The following PCDHGB1 variants were observed in gnomAD, a reference collection of about 807,000 sequenced individuals.
The protein encoded by PCDHGB1 is protocadherin gamma subfamily B, 1, also known as protocadherin gamma-B1.
A neutral mutation model predicts 56.6 loss-of-function variants in PCDHGB1; 34 were observed. That is an observed-to-expected ratio of 0.60 (90% CI 0.46 to 0.80). The LOEUF (loss-of-function observed/expected upper bound fraction) is 0.80, where lower values mean the gene tolerates loss of function less well. Ranked by LOEUF, PCDHGB1 falls within the 30% of genes least tolerant of loss-of-function variation. The pLI is 0.00. For missense variants in PCDHGB1, 1,278 were observed against 1,204.6 expected (o/e 1.06, Z -0.90); for synonymous variants, 561 against 505.9 (o/e 1.11, Z -1.46).
chr5:141,384,717 C>T (rs575459465), intron 1 of PCDHGB1: 3 of 1,614,166 alleles, frequency 1.9e-6, no homozygotes, highest in African/African-American at 2.7e-5. Flanking sequence ...GGCTGTCATA[C>T]CTCCTGCTTA....
At chr5:141,371,133 T>A in intron 1 of PCDHGB1, 2 of 1,614,000 alleles carry the variant, frequency 1.2e-6, no homozygotes, top group Non-Finnish European at 1.7e-6. Context: ...TCAGGACATG[T>A]ACAGGGTCAA....
intron 2 of PCDHGB1, among the ~76,000 whole-genome samples, chr5:141,497,980 G>A (rs983045402): frequency 2.0e-5 from 3 of 152,168 alleles, no homozygotes; most frequent in African/African-American, 7.2e-5. Context: ...GATGTGGGAG[G>A]CCCCTGCCCT....
rs934044974 is a variant in PCDHGB1, at chr5:141,476,034, C to T, written c.2410-18773C>T. 3 of 1,464,488 alleles carry T rather than the reference C, an allele frequency of 2.0e-6. No individual in the cohort carries two copies. The highest frequency in any genetic ancestry group is 2.3e-5 in the Admixed American group (1 of 44,364). The allele number at this position is 1,464,488 out of a possible 1,614,324, so 90.7% of individuals were successfully genotyped here. A position where few individuals can be genotyped will look rare whatever the true frequency, so the allele number is the denominator to read the frequency against. On this transcript the variant is annotated intron_variant, in intron 1 of 3. Transcript: ENST00000523390. The surrounding 1 kb of genome is among the most constrained non-coding windows in gnomAD (Gnocchi z 7.6). ...CCATGTCGGACTCGGCGCCCAGCGC[C>T]CAAGCGCTAACCCGCTGAAAGTTTC...
Position 141,478,507 on chromosome 5 carries a change from T to C in PCDHGB1, c.2410-16300T>C, listed in dbSNP as rs781120326. The C allele has an allele frequency of 4.3e-6, 7 of 1,612,048 alleles. No homozygotes were observed. In the East Asian group the frequency reaches 1.3e-4, roughly 31 times the overall value. On this transcript the variant is annotated intron_variant, in intron 1 of 3. Transcript: ENST00000523390. The stretch of plus-strand genomic sequence containing the variant: ...TGCGGAGCTGTGATCCGGTGTTCTA[T>C]AGGCAGGTGTTGGGTGCAGAGAGCG...
intron 1 of PCDHGB1, chr5:141,372,225 G>A (rs1326941167): frequency 6.8e-6 from 11 of 1,613,368 alleles, no homozygotes; most frequent in Non-Finnish European, 9.3e-6. Context: ...CATTGTGCAG[G>A]CCAGCGAGCC....
At chr5:141,381,798 CTCTT>C (rs372235829) in intron 1 of PCDHGB1, among the ~76,000 whole-genome samples, 40 of 144,168 alleles carry the variant, frequency 2.8e-4, no homozygotes, top group Non-Finnish European at 4.5e-4. Context: ...AGGCAATTCC[CTCTT>C]TCTTTCTTTC....
At chr5:141,375,038 G>T in intron 1 of PCDHGB1, 1 of 1,614,038 alleles carries the variant, frequency 6.2e-7, no homozygotes, top group Non-Finnish European at 8.5e-7. Context: ...TGAGCTGGGT[G>T]TTGAAGCCCG....
rs747917835 is a variant in PCDHGB1 at position 141,487,659 on chromosome 5, AT to A, written c.2410-7147del. 3.7e-6 allele frequency: 6 copies of A among 1,613,466 alleles called. No homozygotes were observed. Among genetic ancestry groups the A allele is most frequent in the Non-Finnish European group, 5.1e-6 (6 of 1,179,716 alleles). On this transcript the variant is annotated intron_variant, in intron 1 of 3. Coordinates refer to ENST00000523390, the MANE Select transcript of PCDHGB1 (RefSeq NM_018922.3). This position sits in a 1 kb window ranked among gnomAD's most constrained non-coding sequence, Gnocchi z 5.0. ...CAACAAATGCTTGAGGGTTATTCTGATCCAGGCATATGGCTAGGCCATGTCC... is the reference window on the plus strand; with the variant it reads ...CAACAAATGCTTGAGGGTTATTCTGACCAGGCATATGGCTAGGCCATGTCC...
Position 141,352,307 on chromosome 5 carries a change from G to C in PCDHGB1, c.2047G>C (p.Glu683Gln). ...CCCTGAGCCCTCTGACCCCCAGACG[G>C]AACTGCAGTTTTACCTGGTTGTGGC... is the stretch of plus-strand genomic sequence containing the variant. ...DRPEPSDPQTELQFYLVVALA... is the reference protein window; with the variant it reads ...DRPEPSDPQTQLQFYLVVALA... The change falls in exon 1 of 4, where the codon GAA becomes CAA. Residue 683 changes from glutamate to glutamine, a missense_variant. Physicochemically the swap from Glu to Gln is conservative, Grantham distance 29. Transcript: ENST00000523390. 6.2e-7 allele frequency: 1 copy of C among 1,614,058 alleles called. No homozygotes were observed. The highest frequency in any genetic ancestry group is 1.3e-5 in the African/African-American group (1 of 75,074).
chr5:141,350,302 ACT>A lies in PCDHGB1; in HGVS notation c.43_44del (p.Leu15ValfsTer52). 1 of 1,520,774 alleles carries A rather than the reference ACT, an allele frequency of 6.6e-7. No homozygotes were observed. Among genetic ancestry groups the A allele is most frequent in the Non-Finnish European group, 8.8e-7 (1 of 1,136,446 alleles). 94.2% of individuals were successfully genotyped at this position (1,520,774 alleles called of 1,614,324 possible). ...REAEMMKSQV[L>X]FPFLLSLFCG... ...AAGCCGAAATGATGAAAAGTCAGGT[ACT>A]GTTTCCCTTCCTGCTGTCTTTGTTC... On this transcript the variant is annotated frameshift_variant, in exon 1 of 4. Coordinates refer to ENST00000523390, the MANE Select transcript of PCDHGB1 (RefSeq NM_018922.3). LOFTEE classifies it high-confidence loss of function.
chr5:141,362,073 G>A (rs1762314491), intron 1 of PCDHGB1: 2 of 1,612,872 alleles, frequency 1.2e-6, no homozygotes, highest in Non-Finnish European at 8.5e-7. Context: ...TGGTCGCTGT[G>A]CGTGATGGAG....
At chr5:141,458,438 C>T (rs2098945825) in intron 1 of PCDHGB1, among the ~76,000 whole-genome samples, 1 of 152,024 alleles carries the variant, frequency 6.6e-6, no homozygotes, top group Non-Finnish European at 1.5e-5. Flanking sequence ...GAGGAGGTCC[C>T]CCACATTAAC....
intron 2 of PCDHGB1, among the ~76,000 whole-genome samples, chr5:141,503,598 C>CAAAAAAA (rs765754054): frequency 1.5e-5 from 1 of 65,730 alleles, no homozygotes; most frequent in Non-Finnish European, 3.4e-5. Flanking sequence ...GACTCCAGCT[C>CAAAAAAA]AAAAAAAAAA....
Position 141,351,411 on chromosome 5 carries a change from A to G in PCDHGB1, c.1151A>G (p.Glu384Gly), listed in dbSNP as rs1285099995. ...GGCATGGTGACATGCTATACTCAGG[A>G]AGAAGTTCCTTTCAAATTAGAATCC... ...QNGMVTCYTQ[E>G]EVPFKLESTS... Residue 384 changes from glutamate to glycine, a missense_variant, in exon 1 of 4, where the codon GAA (glutamate) becomes GGA (glycine). Transcript: ENST00000523390. 1 of 1,611,444 alleles carries G rather than the reference A, an allele frequency of 6.2e-7. No homozygotes were observed. The highest frequency in any genetic ancestry group is 8.5e-7 in the Non-Finnish European group (1 of 1,178,676).
rs764156663 is a variant in PCDHGB1 at position 141,382,871 on chromosome 5, G to A, written c.2409+30202G>A. 2.6e-6 allele frequency: 4 copies of A among 1,520,506 alleles called. No individual in the cohort carries two copies. The South Asian group carries it at 4.0e-5, about 15-fold the overall frequency. 94.2% of individuals were successfully genotyped at this position (1,520,506 alleles called of 1,614,324 possible). On this transcript the variant is annotated intron_variant, in intron 1 of 3. Coordinates refer to ENST00000523390, the MANE Select transcript of PCDHGB1 (RefSeq NM_018922.3). ...GCATTCTGAAGCACTTCCCGAGATC[G>A]GCGCCTAAGCAAGAGAAGCAGGACG... is the stretch of plus-strand genomic sequence containing the variant.
In PCDHGB1 at chr5:141,490,692, G is replaced by C. The variant is rs751109998; in HGVS notation, c.2410-4115G>C. 16 of 1,614,154 alleles carry C rather than the reference G, an allele frequency of 9.9e-6. 1 individual carries two copies. The Middle Eastern group carries it at 6.6e-4, about 67-fold the overall frequency. ...TGGCTGCCTCAGATCCAGACACTGG[G>C]GATAATGCCCGCCTCACCTACTCCA... On this transcript the variant is annotated intron_variant, in intron 1 of 3. Transcript: ENST00000523390. This position sits in a 1 kb window ranked among gnomAD's most constrained non-coding sequence, Gnocchi z 5.4.
At chr5:141,375,139 A>G (rs1406415297) in intron 1 of PCDHGB1, 11 of 1,613,936 alleles carry the variant, frequency 6.8e-6, no homozygotes, top group Non-Finnish European at 9.3e-6. Context: ...TTACATCTGG[A>G]AGCAGAACAA....
intron 1 of PCDHGB1, among the ~76,000 whole-genome samples, chr5:141,405,668 G>A (rs1468042334): frequency 6.6e-6 from 1 of 152,100 alleles, no homozygotes; most frequent in Non-Finnish European, 1.5e-5. Context: ...AGTAGAGACG[G>A]GGTGTCACCA....
chr5:141,359,759 A>G (rs1005713347), intron 1 of PCDHGB1, among the ~76,000 whole-genome samples: 1 of 152,234 alleles, frequency 6.6e-6, no homozygotes, highest in African/African-American at 2.4e-5. Flanking sequence ...CATCTAAAGC[A>G]GAGATGAAAG....
Sources: gnomAD v4.1 joint callset for allele counts (sites outside exome capture counted in the v4.1 genomes callset) on GRCh38, gnomAD v4.1.1 for gene constraint, Gnocchi (gnomAD v3.1) non-coding constraint, MANE v1.5 for transcripts, NCBI Gene and HGNC (gene_info 2026-07-23, HGNC 2026-07-21) for gene names.